The following CAMK2A variants were observed in gnomAD, a reference collection of about 807,000 sequenced individuals.
The protein encoded by CAMK2A is calcium/calmodulin-dependent protein kinase type II subunit alpha.
In CAMK2A, 7 loss-of-function variants were observed where a neutral mutation model predicts 79.2. The ratio of observed to expected loss-of-function variants is 0.09; its 90% confidence interval spans 0.05 to 0.17. The LOEUF (loss-of-function observed/expected upper bound fraction) is 0.17. Among genes scored for constraint, CAMK2A ranks in the 10% least tolerant of loss-of-function variants. CAMK2A has a pLI of 1.00. For missense variants in CAMK2A, 214 were observed against 646.4 expected, an observed-to-expected ratio of 0.33 and a Z score of 7.25; for synonymous variants, 242 against 251.7, an observed-to-expected ratio of 0.96 and a Z score of 0.36.
chr5:150,289,331 T>G (rs1380435329), intron 1 of CAMK2A, among the ~76,000 whole-genome samples: 2 of 152,212 alleles, frequency 1.3e-5, no homozygotes, highest in African/African-American at 2.4e-5. Context: ...TGTCAACCCT[T>G]CATCCCTACA....
At chr5:150,288,609 C>G (rs1020086244) in intron 1 of CAMK2A, among the ~76,000 whole-genome samples, 1 of 152,202 alleles carries the variant, frequency 6.6e-6, no homozygotes, top group Non-Finnish European at 1.5e-5. Flanking sequence ...CCCCTCCCCC[C>G]GTGCTCCTGC....
chr5:150,272,203 G>A (rs1756774091), intron 2 of CAMK2A, among the ~76,000 whole-genome samples: 1 of 152,134 alleles, frequency 6.6e-6, no homozygotes, highest in Non-Finnish European at 1.5e-5. Flanking sequence ...TATTAAACAA[G>A]GGGCCTAATC....
intron 15 of CAMK2A, among the ~76,000 whole-genome samples, chr5:150,234,152 G>A (rs1030973133): frequency 1.3e-5 from 2 of 152,174 alleles, no homozygotes; most frequent in African/African-American, 4.8e-5. Context: ...GGAATCAGGG[G>A]TGACAACCAG....
At chr5:150,253,623 T>C (rs1755929228) in intron 6 of CAMK2A, 77 bp from the exon 7 acceptor site, 1 of 1,238,898 alleles carries the variant, frequency 8.1e-7, no homozygotes. Flanking sequence ...GCCTCACCTC[T>C]AGGGGCCTGG....
chr5:150,242,610 C>T lies in CAMK2A; in HGVS notation c.984+2551G>A, dbSNP rs141223122. On this transcript the variant is annotated intron_variant, in intron 13 of 18. Transcript: ENST00000671881. ...CCAGGCCCTTCTGGTGTGACCCTCT[C>T]ACCAGGCCCCTGCAAAGAACTGCTG... 4.0e-3 allele frequency among the ~76,000 whole-genome samples: 613 copies of T among 152,312 alleles called. 6 individuals are homozygous for T. The highest frequency in any genetic ancestry group is 0.014 in the African/African-American group (581 of 41,558).
At position 150,267,569 on chromosome 5, in the gene CAMK2A, C is replaced by T. The variant is rs571780689; in HGVS notation, c.158-2554G>A. Among the ~76,000 whole-genome samples the T allele has an allele frequency of 5.3e-5, 8 of 152,306 alleles. No homozygotes were observed. In the South Asian group the frequency reaches 1.7e-3, roughly 32 times the overall value. On this transcript the variant is annotated intron_variant, in intron 2 of 18. Coordinates refer to ENST00000671881, the MANE Select transcript of CAMK2A (RefSeq NM_015981.4). The stretch of plus-strand genomic sequence containing the variant: ...ATCATCTTATGCATGGTACAATTAA[C>T]CTGCATTTTCACTGTTGAAAGCATT...
At chr5:150,255,520 T>C (rs10078985) in intron 6 of CAMK2A, among the ~76,000 whole-genome samples, 2,051 of 152,342 alleles carry the variant, frequency 0.013, 56 homozygotes, top group African/African-American at 0.047. Context: ...ACAAAGCTGC[T>C]GGAGTCCGTC....
Position 150,222,561 on chromosome 5 carries a change from G to C in CAMK2A, c.*149C>G, listed in dbSNP as rs1360792220. 1.1e-6 allele frequency: 1 copy of C among 874,614 alleles called. No homozygotes were observed. Among genetic ancestry groups the C allele is most frequent in the South Asian group, 1.4e-5 (1 of 71,898 alleles). 54.2% of individuals were successfully genotyped at this position (874,614 alleles called of 1,614,324 possible). A position where few individuals can be genotyped will look rare whatever the true frequency, so the allele number is the denominator to read the frequency against. On this transcript the variant is annotated 3_prime_UTR_variant, in exon 19 of 19. Coordinates refer to ENST00000671881, the MANE Select transcript of CAMK2A (RefSeq NM_015981.4). ...TGCGATGACTTTTGTGAACAAGCAG[G>C]TTTTCTTGATGCAGGTACAGAAGTG...
In CAMK2A at chr5:150,256,482, G is replaced by A. The variant is rs878897814; in HGVS notation, c.411+91C>T. The A allele has an allele frequency of 1.3e-5, 11 of 848,846 alleles. No homozygotes were observed. Among genetic ancestry groups the A allele is most frequent in the South Asian group, 1.2e-4 (8 of 66,460 alleles). The allele number at this position is 848,846 out of a possible 1,614,324, so 52.6% of individuals were successfully genotyped here. A position where few individuals can be genotyped will look rare whatever the true frequency, so the allele number is the denominator to read the frequency against. On this transcript the variant is annotated intron_variant, in intron 6 of 18. Coordinates refer to ENST00000671881, the MANE Select transcript of CAMK2A (RefSeq NM_015981.4). This position sits in a 1 kb window ranked among gnomAD's most constrained non-coding sequence, Gnocchi z 4.6. ...CAGCCTAACACAGAGAAATTAAAGCGATTCTGATAATGTCCAGCTCTGCAG... is the reference window on the plus strand; with the variant it reads ...CAGCCTAACACAGAGAAATTAAAGCAATTCTGATAATGTCCAGCTCTGCAG...
At chr5:150,232,302 G>T (rs1204397699) in intron 15 of CAMK2A, among the ~76,000 whole-genome samples, 1 of 151,476 alleles carries the variant, frequency 6.6e-6, no homozygotes, top group African/African-American at 2.4e-5. Flanking sequence ...TGAGGGTGGG[G>T]TGATGTGATG....
chr5:150,249,633 C>T (rs1375718459), intron 11 of CAMK2A, among the ~76,000 whole-genome samples: 3 of 152,040 alleles, frequency 2.0e-5, no homozygotes, highest in Non-Finnish European at 2.9e-5. Context: ...CTGCAACCTC[C>T]GCCTCCCAGG....
chr5:150,222,764 G>T, intron 18 of CAMK2A, 51 bp from the exon 19 acceptor site: 1 of 1,611,046 alleles, frequency 6.2e-7, no homozygotes, highest in Non-Finnish European at 8.5e-7. Flanking sequence ...TCCTGCTTGG[G>T]CAACCCACCC....
At chr5:150,273,817 T>G (rs1169283282) in intron 1 of CAMK2A, among the ~76,000 whole-genome samples, 1 of 152,238 alleles carries the variant, frequency 6.6e-6, no homozygotes, top group Non-Finnish European at 1.5e-5. Context: ...AGTCCCCTAC[T>G]GATGGGCACT....
intron 15 of CAMK2A, 52 bp from the exon 16 acceptor site, chr5:150,231,432 A>AATAATG: frequency 1.4e-6 from 1 of 707,876 alleles, no homozygotes; most frequent in Non-Finnish European, 2.1e-6. Context: ...TAATAATAAT[A>AATAATG]ATAATAATAA....
At chr5:150,243,171 T>C (rs1343485505) in intron 13 of CAMK2A, among the ~76,000 whole-genome samples, 1 of 152,150 alleles carries the variant, frequency 6.6e-6, no homozygotes, top group Non-Finnish European at 1.5e-5. Flanking sequence ...TGGAGGCCTC[T>C]CCTGACCCCT....
At chr5:150,254,685 TAGTCCC>T (rs1441261023) in intron 6 of CAMK2A, among the ~76,000 whole-genome samples, 3 of 152,176 alleles carry the variant, frequency 2.0e-5, no homozygotes, top group Non-Finnish European at 4.4e-5. Context: ...CTCGCTTAGA[TAGTCCC>T]AGTTTCTGAT....
intron 2 of CAMK2A, among the ~76,000 whole-genome samples, chr5:150,271,362 C>T (rs874083): frequency 0.17 from 25,639 of 152,118 alleles, 2,377 homozygotes; most frequent in East Asian, 0.25. Context: ...GGCGGGAGGT[C>T]GGTAACTGGA....
chr5:150,274,586 C>T lies in CAMK2A; in HGVS notation c.63-1427G>A, dbSNP rs79244194. On this transcript the variant is annotated intron_variant, in intron 1 of 18. Transcript: ENST00000671881. The stretch of plus-strand genomic sequence containing the variant: ...TAGTCACCACTATGGCACCCTAACC[C>T]CATGCTAATGGCAAGAAGAGAGTCT... Among the ~76,000 whole-genome samples the T allele has an allele frequency of 4.2e-3, 637 of 152,290 alleles. 7 individuals are homozygous for T. The highest frequency in any genetic ancestry group is 0.014 in the African/African-American group (590 of 41,544).
chr5:150,288,139 C>T (rs1432065931), intron 1 of CAMK2A, among the ~76,000 whole-genome samples: 1 of 152,086 alleles, frequency 6.6e-6, no homozygotes, highest in Admixed American at 6.5e-5. Flanking sequence ...GTACATCATC[C>T]TGTGTGCATG....
Sources: allele counts gnomAD v4.1 joint callset (sites outside exome capture counted in the v4.1 genomes callset), GRCh38; gene constraint gnomAD v4.1.1; non-coding constraint Gnocchi (gnomAD v3.1); transcripts MANE v1.5; gene names NCBI Gene and HGNC (gene_info 2026-07-23, HGNC 2026-07-21).